IRGM: variants seen among roughly 807,000 people sequenced by gnomAD.
The protein encoded by IRGM is immunity related GTPase M.
For missense variants in IRGM, 288 were observed against 219.9 expected (o/e 1.31, Z -1.96); for synonymous variants, 98 against 80.6 (o/e 1.22, Z -1.16).
intron 1 of IRGM, among the ~76,000 whole-genome samples, chr5:150,870,385 T>C (rs752337546): frequency 6.6e-6 from 1 of 152,090 alleles, no homozygotes; most frequent in Admixed American, 6.6e-5. Context: ...TGGTACCAGC[T>C]TGAGCTATCT....
At chr5:150,896,375 T>C in intron 3 of IRGM, 1 of 1,613,646 alleles carries the variant, frequency 6.2e-7, no homozygotes, top group South Asian at 1.1e-5. Flanking sequence ...TATGAATTCT[T>C]TGATGTACAA....
At chr5:150,900,779 A>G (rs900830599), downstream of IRGM, 2 of 151,862 alleles carry the variant, frequency 1.3e-5, no homozygotes, top group Non-Finnish European at 2.9e-5. Context: ...TCTGAAGAAA[A>G]GTAACATAAG....
intron 1 of IRGM, among the ~76,000 whole-genome samples, chr5:150,877,375 G>A (rs1270888214): frequency 6.6e-6 from 1 of 152,128 alleles, no homozygotes. Context: ...GACTAGACTG[G>A]TTTAGTCTTC....
At chr5:150,858,642 A>G (rs1754092344) in intron 1 of IRGM, among the ~76,000 whole-genome samples, 1 of 151,778 alleles carries the variant, frequency 6.6e-6, no homozygotes, top group Admixed American at 6.6e-5. Context: ...GGTCCTTCAC[A>G]TCCCTTGTAA....
chr5:150,902,103 T>A (rs1271701916), downstream of IRGM, among the ~76,000 whole-genome samples: 1 of 152,152 alleles, frequency 6.6e-6, no homozygotes, highest in Non-Finnish European at 1.5e-5. Flanking sequence ...GAAGGTGAGT[T>A]TAAGTTAAAA....
Position 150,848,134 on chromosome 5 carries a change from TG to T in IRGM, c.12del (p.Met4IlefsTer15). The T allele has an allele frequency of 6.5e-7, 1 of 1,544,134 alleles. No individual in the cohort carries two copies. The highest frequency in any genetic ancestry group is 1.4e-5 in the African/African-American group (1 of 72,894). On this transcript the variant is annotated frameshift_variant, in exon 2 of 2. Transcript: ENST00000522154. LOFTEE classifies it low-confidence loss of function (END_TRUNC). ...GGTATTTTATTGAAGATGGAAGCCA[TG>T]AATGTTGAGAAAGCCTCAGCAGATG... MEAMNVEKASADGN... is the reference protein window; with the variant it reads MEAXNVEKASADGN...
intron 3 of IRGM, among the ~76,000 whole-genome samples, chr5:150,886,795 T>C (rs1357961522): frequency 1.3e-5 from 2 of 151,994 alleles, no homozygotes; most frequent in Admixed American, 6.6e-5. Flanking sequence ...TCCTCTTTTT[T>C]TCTTTATTAG....
chr5:150,862,907 ACTG>A (rs1182860910), intron 1 of IRGM, among the ~76,000 whole-genome samples: 1 of 152,192 alleles, frequency 6.6e-6, no homozygotes, highest in African/African-American at 2.4e-5. Context: ...GTCTGGCACT[ACTG>A]CTGCCCATTG....
At chr5:150,885,360 C>T (rs950341344) in intron 3 of IRGM, among the ~76,000 whole-genome samples, 2 of 151,942 alleles carry the variant, frequency 1.3e-5, no homozygotes, top group African/African-American at 4.8e-5. Context: ...ATGCCTCCAG[C>T]TTTGTTCTTT....
intron 1 of IRGM, among the ~76,000 whole-genome samples, chr5:150,864,058 A>G (rs770594556): frequency 1.3e-5 from 2 of 152,104 alleles, no homozygotes; most frequent in Non-Finnish European, 2.9e-5. Context: ...TTCCTGCACA[A>G]ATACTACTAT....
At chr5:150,872,708 G>A (rs531352715) in intron 1 of IRGM, among the ~76,000 whole-genome samples, 4 of 152,290 alleles carry the variant, frequency 2.6e-5, no homozygotes, top group African/African-American at 7.2e-5. Flanking sequence ...GGTTCTAATT[G>A]TTGGTTTGCT....
At chr5:150,897,987 A>G in intron 3 of IRGM, 1 of 1,520,516 alleles carries the variant, frequency 6.6e-7, no homozygotes, top group Non-Finnish European at 8.8e-7. Context: ...AAAGAATAGG[A>G]GATTTTGATA....
In IRGM at chr5:150,848,513, T is replaced by A; in HGVS notation, c.390T>A (p.Leu130=). 1 of 1,551,822 alleles carries A rather than the reference T, an allele frequency of 6.4e-7. No homozygotes were observed. The highest frequency in any genetic ancestry group is 8.7e-7 in the Non-Finnish European group (1 of 1,146,976). ...SAQFSMNHVM[L]AKTAEDMGKK... The stretch of plus-strand genomic sequence containing the variant: ...AATTCAGCATGAATCATGTGATGCT[T>A]GCCAAAACCGCTGAGGACATGGGAA... Residue 130 remains leucine, a synonymous_variant, in exon 2 of 2, where the codon CTT becomes CTA. Transcript: ENST00000522154.
At chr5:150,856,781 C>G (rs780220932) in intron 1 of IRGM, among the ~76,000 whole-genome samples, 4 of 151,144 alleles carry the variant, frequency 2.6e-5, no homozygotes, top group Non-Finnish European at 5.9e-5. Context: ...GCTGCATTTT[C>G]TTAATCCCTC....
intron 3 of IRGM, among the ~76,000 whole-genome samples, chr5:150,882,593 A>G (rs1055895522): frequency 6.6e-6 from 1 of 152,222 alleles, no homozygotes; most frequent in Non-Finnish European, 1.5e-5. Flanking sequence ...CAGATAAAAT[A>G]AACTTTAAGT....
chr5:150,854,363 T>G (rs1406594157), intron 1 of IRGM, among the ~76,000 whole-genome samples: 1 of 152,112 alleles, frequency 6.6e-6, no homozygotes, highest in African/African-American at 2.4e-5. Flanking sequence ...TATAAAACTA[T>G]TAGTTTTTAT....
At chr5:150,898,918 C>T (rs2113022220) in intron 3 of IRGM, among the ~76,000 whole-genome samples, 1 of 151,960 alleles carries the variant, frequency 6.6e-6, no homozygotes, top group East Asian at 1.9e-4. Context: ...AAGTCCTAAC[C>T]CCCAGTACCT....
chr5:150,860,758 C>T lies in IRGM; in HGVS notation c.158+12104C>T, dbSNP rs146399340. Among the ~76,000 whole-genome samples, 144 of 152,312 alleles carry T rather than the reference C, an allele frequency of 9.5e-4. 1 individual carries two copies. The highest frequency in any genetic ancestry group is 3.3e-3 in the African/African-American group (138 of 41,570). ...CTCCCAACTTAGTGCCTCTGCATCA[C>T]ACAGACACAGCTACTAGGCTGATTG... On this transcript the variant is annotated intron_variant and NMD_transcript_variant, in intron 1 of 3. Coordinates refer to the IRGM transcript ENST00000520549.
At chr5:150,854,803 T>G (rs1754028845) in intron 1 of IRGM, among the ~76,000 whole-genome samples, 1 of 152,130 alleles carries the variant, frequency 6.6e-6, no homozygotes, top group Non-Finnish European at 1.5e-5. Flanking sequence ...GGCTTTATCT[T>G]GTGGTTCATA....
Sources: allele counts gnomAD v4.1 joint callset (sites outside exome capture counted in the v4.1 genomes callset), GRCh38; gene constraint gnomAD v4.1.1; transcripts MANE v1.5; gene names NCBI Gene and HGNC (gene_info 2026-07-23, HGNC 2026-07-21).